PTPRG: variants seen among roughly 807,000 people sequenced by gnomAD.
The protein encoded by PTPRG is protein tyrosine phosphatase receptor type G.
PTPRG carries 102 observed loss-of-function variants against 165.3 expected under a neutral mutation model. The ratio of observed to expected loss-of-function variants is 0.62; its 90% CI spans 0.53 to 0.73. The LOEUF is 0.73. Ranked by LOEUF, PTPRG falls within the 30% of genes least tolerant of loss-of-function variation. PTPRG has a pLI of 0.00. For missense variants in PTPRG, 1,866 were observed against 1,861.4 expected, an observed-to-expected ratio of 1.00 and a Z score of -0.05; for synonymous variants, 675 against 669.5, an observed-to-expected ratio of 1.01 and a Z score of -0.13.
intron 6 of PTPRG, among the ~76,000 whole-genome samples, chr3:62,141,651 A>T (rs1023493916): frequency 6.6e-6 from 1 of 151,862 alleles, no homozygotes; most frequent in African/African-American, 2.4e-5. Flanking sequence ...TGTAACCCCA[A>T]CATTGTGGGG....
chr3:62,153,393 CAG>C (rs1194209757), intron 6 of PTPRG, among the ~76,000 whole-genome samples: 3 of 152,170 alleles, frequency 2.0e-5, no homozygotes, highest in African/African-American at 7.2e-5. Context: ...GGAAGTAGCT[CAG>C]AGAGGTTAAG....
chr3:61,655,620 C>T (rs1702488382), intron 1 of PTPRG, among the ~76,000 whole-genome samples: 2 of 151,978 alleles, frequency 1.3e-5, no homozygotes, highest in African/African-American at 4.8e-5. Context: ...TTTTTAGAAA[C>T]AGGGTCTTAC....
intron 6 of PTPRG, among the ~76,000 whole-genome samples, chr3:62,154,492 A>G (rs1055779926): frequency 2.0e-5 from 3 of 152,170 alleles, no homozygotes; most frequent in Admixed American, 6.5e-5. Flanking sequence ...TGCTTAATCC[A>G]TGAGCCCATC....
intron 2 of PTPRG, among the ~76,000 whole-genome samples, chr3:61,887,121 T>C (rs1178200535): frequency 2.2e-5 from 1 of 44,906 alleles, no homozygotes; most frequent in East Asian, 1.4e-3. Flanking sequence ...AACCATAGCA[T>C]GCATATATAT....
intron 1 of PTPRG, among the ~76,000 whole-genome samples, chr3:61,635,014 A>G (rs1381451187): frequency 6.6e-6 from 1 of 152,180 alleles, no homozygotes; most frequent in Non-Finnish European, 1.5e-5. Context: ...TCTCAAAGTG[A>G]GAATATATCT....
At chr3:61,938,823 T>C (rs551307111) in intron 2 of PTPRG, among the ~76,000 whole-genome samples, 2 of 152,238 alleles carry the variant, frequency 1.3e-5, no homozygotes, top group Non-Finnish European at 2.9e-5. Context: ...AAAAAAGTAA[T>C]AGCATTGCTT....
chr3:62,232,578 G>A (rs1218411317), intron 14 of PTPRG, among the ~76,000 whole-genome samples: 1 of 152,180 alleles, frequency 6.6e-6, no homozygotes, highest in Non-Finnish European at 1.5e-5. Flanking sequence ...ATCACCTTAT[G>A]AATATCACAA....
rs1346902780 is a variant in PTPRG, at chr3:61,989,615, C to G, written c.191-10C>G. The G allele has an allele frequency of 6.2e-7, 1 of 1,610,838 alleles. No individual in the cohort carries two copies. Among genetic ancestry groups the G allele is most frequent in the East Asian group, 2.2e-5 (1 of 44,876 alleles). ...ACCATGAGGATTGAAGTGTTGTCTT[C>G]TTTCAACAGGTGCCTATGGTCCTGA... On this transcript the variant is annotated splice_polypyrimidine_tract_variant and intron_variant, in intron 2 of 29. Transcript: ENST00000474889.
intron 4 of PTPRG, among the ~76,000 whole-genome samples, chr3:62,049,201 A>G (rs973450069): frequency 2.0e-5 from 3 of 152,088 alleles, no homozygotes; most frequent in African/African-American, 7.2e-5. Context: ...TACTCAAGCT[A>G]TTCCCTGTCC....
intron 2 of PTPRG, among the ~76,000 whole-genome samples, chr3:61,900,045 G>T (rs540597746): frequency 6.6e-6 from 1 of 152,148 alleles, no homozygotes; most frequent in South Asian, 2.1e-4. Context: ...TTTAAAAAAT[G>T]TAATTTTCTA....
At chr3:61,805,973 T>C (rs574741717) in intron 2 of PTPRG, among the ~76,000 whole-genome samples, 94 of 152,282 alleles carry the variant, frequency 6.2e-4, no homozygotes, top group Non-Finnish European at 1.1e-3. Flanking sequence ...TATTCTCTCT[T>C]TGCCATTTAA....
chr3:61,720,568 A>G (rs2032004639), intron 1 of PTPRG, among the ~76,000 whole-genome samples: 1 of 152,142 alleles, frequency 6.6e-6, no homozygotes, highest in South Asian at 2.1e-4. Context: ...TCACTCCCGA[A>G]GGTCTCCCCA....
At chr3:61,713,162 A>ATTTTT (rs1225788176) in intron 1 of PTPRG, among the ~76,000 whole-genome samples, 1 of 144,018 alleles carries the variant, frequency 6.9e-6, no homozygotes. Flanking sequence ...AACATCAAAT[A>ATTTTT]TGTTTTTTTT....
At chr3:61,937,587 G>A (rs569445845) in intron 2 of PTPRG, among the ~76,000 whole-genome samples, 4 of 152,312 alleles carry the variant, frequency 2.6e-5, no homozygotes, top group Non-Finnish European at 4.4e-5. Context: ...TCTGATGAAG[G>A]CAGCTGAAGC....
intron 1 of PTPRG, among the ~76,000 whole-genome samples, chr3:61,669,584 C>T (rs755087256): frequency 1.3e-5 from 2 of 152,162 alleles, no homozygotes; most frequent in East Asian, 1.9e-4. Context: ...ACTGGACCCC[C>T]GTGCCTGCAG....
At chr3:62,218,279 G>T (rs1236336581) in intron 12 of PTPRG, among the ~76,000 whole-genome samples, 1 of 152,196 alleles carries the variant, frequency 6.6e-6, no homozygotes, top group East Asian at 1.9e-4. Flanking sequence ...CCATGACTGT[G>T]TCTGTTAGGG....
intron 6 of PTPRG, among the ~76,000 whole-genome samples, chr3:62,152,922 T>C (rs1180370848): frequency 6.6e-6 from 1 of 152,250 alleles, no homozygotes; most frequent in African/African-American, 2.4e-5. Flanking sequence ...TCTATTTTTG[T>C]ATGGCCCCTG....
At chr3:61,575,598 C>CT (rs34363041) in intron 1 of PTPRG, among the ~76,000 whole-genome samples, 25,914 of 117,248 alleles carry the variant, frequency 0.22, 3,621 homozygotes, top group African/African-American at 0.32. Flanking sequence ...GCACACAGAA[C>CT]TTTTTTTTTT....
rs868265327 is a variant in PTPRG at position 62,222,079 on chromosome 3, C to A, written c.2288+3096C>A. 5.9e-5 allele frequency among the ~76,000 whole-genome samples: 9 copies of A among 152,234 alleles called. No individual in the cohort carries two copies. The highest frequency in any genetic ancestry group is 1.7e-4 in the African/African-American group (7 of 41,470). Reference sequence around the variant, plus strand: ...GACCAAGGAAGAGAACGAGAACTCACATTTGTTGAAAGCCTGCTATGGGCC... The same window carrying A: ...GACCAAGGAAGAGAACGAGAACTCAAATTTGTTGAAAGCCTGCTATGGGCC... On this transcript the variant is annotated intron_variant, in intron 13 of 29. Transcript: ENST00000474889. This position sits in a 1 kb window ranked among gnomAD's most constrained non-coding sequence, Gnocchi z 4.5.
Sources: gnomAD v4.1 joint callset for allele counts (sites outside exome capture counted in the v4.1 genomes callset) on GRCh38, gnomAD v4.1.1 for gene constraint, Gnocchi (gnomAD v3.1) non-coding constraint, MANE v1.5 for transcripts, NCBI Gene and HGNC (gene_info 2026-07-23, HGNC 2026-07-21) for gene names.